The following FANCA variants were observed in gnomAD, a reference collection of about 807,000 sequenced individuals.
The protein encoded by FANCA is FA complementation group A, also known as Fanconi anemia group A protein.
A neutral mutation model predicts 194.3 loss-of-function variants in FANCA; 236 were observed. The ratio of observed to expected loss-of-function variants is 1.21; its 90% CI spans 1.09 to 1.35. FANCA has a LOEUF of 1.35. FANCA is among the 40% of genes most tolerant of loss of function. The pLI, the probability that FANCA is intolerant of heterozygous loss-of-function variation, is 0.00. For missense variants in FANCA, 2,628 were observed against 1,813.9 expected, an observed-to-expected ratio of 1.45 and a Z score of -8.15; for synonymous variants, 1,014 against 715.8, an observed-to-expected ratio of 1.42 and a Z score of -6.65.
chr16:89,799,412 T>C (rs945934956), intron 9 of FANCA, among the ~76,000 whole-genome samples, 180 bp from the exon 10 acceptor site: 5 of 152,212 alleles, frequency 3.3e-5, no homozygotes, highest in African/African-American at 1.2e-4. Context: ...AATGCTTCCC[T>C]GTGACCCACA....
Position 89,738,954 on chromosome 16 carries a change from T to A in FANCA, c.4188A>T (p.Ile1396=). 1.2e-6 allele frequency: 2 copies of A among 1,614,242 alleles called. No homozygotes were observed. Among genetic ancestry groups the A allele is most frequent in the South Asian group, 2.2e-5 (2 of 91,084 alleles). ...LKGQGNPVEL[I]TKARLFLLQL... is the part of the protein sequence containing the mutation. ...GCAGCAGAAAAAGACGAGCTTTTGT[T>A]ATCAGTTCCACGGGGTTGCCCTAGA... Residue 1396 remains isoleucine, a synonymous_variant, in exon 42 of 43, where the codon ATA becomes ATT. Coordinates refer to ENST00000389301, the MANE Select transcript of FANCA (RefSeq NM_000135.4).
At chr16:89,813,826 G>A (rs1397906742) in intron 3 of FANCA, among the ~76,000 whole-genome samples, 2 of 152,006 alleles carry the variant, frequency 1.3e-5, no homozygotes, top group Non-Finnish European at 2.9e-5. Flanking sequence ...GTGTGTGTGT[G>A]TGTGTGTCCG....
intron 33 of FANCA, 37 bp from the exon 34 acceptor site, chr16:89,746,927 AG>A: frequency 6.5e-7 from 1 of 1,536,504 alleles, no homozygotes; most frequent in Non-Finnish European, 8.8e-7. Context: ...AAAAGCCCAC[AG>A]GAAGAGAGGC....
chr16:89,753,524 G>GT (rs1237347800), intron 30 of FANCA, among the ~76,000 whole-genome samples: 2 of 151,966 alleles, frequency 1.3e-5, no homozygotes, highest in Non-Finnish European at 2.9e-5. Flanking sequence ...AGCAAAAACC[G>GT]TAAGATTATC....
In FANCA at chr16:89,783,005, G is replaced by C; in HGVS notation, c.1566+2C>G. On this transcript the variant is annotated splice_donor_variant, in intron 16 of 42. Coordinates refer to ENST00000389301, the MANE Select transcript of FANCA (RefSeq NM_000135.4). LOFTEE classifies it high-confidence loss of function. ...AGGAGTGGGCATGGAGGGACAGCTT[G>C]CCTTGAGGTCGGCCAGCCGTGTCTT... is the stretch of plus-strand genomic sequence containing the variant. 1 of 1,613,912 alleles carries C rather than the reference G, an allele frequency of 6.2e-7. No homozygotes were observed. Among genetic ancestry groups the C allele is most frequent in the Non-Finnish European group, 8.5e-7 (1 of 1,179,758 alleles).
intron 26 of FANCA, among the ~76,000 whole-genome samples, chr16:89,768,854 G>GCCT (rs1242761008): frequency 6.6e-6 from 1 of 152,128 alleles, no homozygotes; most frequent in Non-Finnish European, 1.5e-5. Context: ...CCACCTGGAT[G>GCCT]CCTCCCTCCT....
At chr16:89,804,150 A>G (rs1026950682) in intron 7 of FANCA, among the ~76,000 whole-genome samples, 2 of 152,178 alleles carry the variant, frequency 1.3e-5, no homozygotes, top group African/African-American at 4.8e-5. Context: ...ACCAGGTTAT[A>G]GTAGCTCAGG....
intron 36 of FANCA, 50 bp from the exon 37 acceptor site, chr16:89,742,988 A>T: frequency 6.3e-7 from 1 of 1,590,310 alleles, no homozygotes; most frequent in Non-Finnish European, 8.6e-7. Context: ...CCATACAACC[A>T]CGCCATAGAA....
intron 5 of FANCA, among the ~76,000 whole-genome samples, chr16:89,809,853 CAA>C (rs1288486504): frequency 1.6e-5 from 2 of 128,466 alleles, no homozygotes. Flanking sequence ...AACTCCATCT[CAA>C]AAAAAAAAAA....
chr16:89,774,515 G>C (rs548028605), intron 21 of FANCA, among the ~76,000 whole-genome samples: 30 of 151,838 alleles, frequency 2.0e-4, no homozygotes, highest in Non-Finnish European at 3.4e-4. Flanking sequence ...TGGATCACGA[G>C]GTCAGGAGAT....
At chr16:89,793,268 G>A (rs781184878) in intron 11 of FANCA, among the ~76,000 whole-genome samples, 4 of 152,108 alleles carry the variant, frequency 2.6e-5, no homozygotes, top group Non-Finnish European at 2.9e-5. Context: ...CTTCCCAGAC[G>A]CTGCCGTCAC....
chr16:89,778,544 C>A, intron 20 of FANCA: 1 of 448,324 alleles, frequency 2.2e-6, no homozygotes, highest in African/African-American at 2.1e-5. Flanking sequence ...AAGAGAATCG[C>A]TTGAACCTAA....
At chr16:89,743,107 TGA>T (rs762494917) in intron 36 of FANCA, among the ~76,000 whole-genome samples, 169 bp from the exon 37 acceptor site, 2 of 152,178 alleles carry the variant, frequency 1.3e-5, no homozygotes, top group South Asian at 2.1e-4. Context: ...CAGGTCCACG[TGA>T]GAGTGTGGGC....
rs1189120192 is a variant in FANCA, at chr16:89,770,090, G to A, written c.2317-66C>T. On this transcript the variant is annotated intron_variant, in intron 25 of 42. Transcript: ENST00000389301. Reference sequence around the variant, plus strand: ...CCAAGCTGGAATTTTCCAGGGCACTGAAGACGAATTGAGAAGTAGCAGCCT... The same window carrying A: ...CCAAGCTGGAATTTTCCAGGGCACTAAAGACGAATTGAGAAGTAGCAGCCT... 22 of 1,585,256 alleles carry A rather than the reference G, an allele frequency of 1.4e-5. No individual in the cohort carries two copies. In the African/African-American group the frequency reaches 1.9e-4, roughly 14 times the overall value.
At chr16:89,777,883 C>T (rs1016274642) in intron 20 of FANCA, among the ~76,000 whole-genome samples, 4 of 149,270 alleles carry the variant, frequency 2.7e-5, no homozygotes, top group Non-Finnish European at 6.0e-5. Context: ...ATGATGCAGC[C>T]GGGTGCGGTA....
rs2041136278 is a variant in FANCA at position 89,816,521 on chromosome 16, T to C, written c.79+16A>G. The C allele has an allele frequency of 1.3e-6, 2 of 1,483,784 alleles. No individual in the cohort carries two copies. Among genetic ancestry groups the C allele is most frequent in the Admixed American group, 2.3e-5 (1 of 44,440 alleles). 91.9% of individuals were successfully genotyped at this position (1,483,784 alleles called of 1,614,324 possible). On this transcript the variant is annotated intron_variant, in intron 1 of 42. Transcript: ENST00000389301. ...CCGGACGCCGCCCACTCCCGCGGCCTGCCGCGCCCACCTACCCAGCAGCTC... is the reference window on the plus strand; with the variant it reads ...CCGGACGCCGCCCACTCCCGCGGCCCGCCGCGCCCACCTACCCAGCAGCTC...
At chr16:89,782,433 C>T (rs1042055699) in intron 17 of FANCA, among the ~76,000 whole-genome samples, 1 of 151,882 alleles carries the variant, frequency 6.6e-6, no homozygotes, top group Non-Finnish European at 1.5e-5. Flanking sequence ...ATGGCGTGAA[C>T]CCAGGAGGCA....
intron 14 of FANCA, among the ~76,000 whole-genome samples, chr16:89,790,763 G>C (rs2040043068): frequency 6.6e-6 from 1 of 151,244 alleles, no homozygotes; most frequent in African/African-American, 2.4e-5. Flanking sequence ...GGGAAAATAA[G>C]AGACATTGTA....
chr16:89,738,541 G>A lies in FANCA; in HGVS notation c.*60C>T, dbSNP rs1598048095. ...CTTTTTAGTGCAACAAGAGCTCCAT[G>A]TTATGCTTGTAATAAATTATTTACA... On this transcript the variant is annotated 3_prime_UTR_variant, in exon 43 of 43. Coordinates refer to ENST00000389301, the MANE Select transcript of FANCA (RefSeq NM_000135.4). The A allele has an allele frequency of 4.3e-6, 7 of 1,609,688 alleles. No homozygotes were observed. Among genetic ancestry groups the A allele is most frequent in the South Asian group, 2.2e-5 (2 of 90,964 alleles).
Sources: gnomAD v4.1 joint callset for allele counts (sites outside exome capture counted in the v4.1 genomes callset) on GRCh38, gnomAD v4.1.1 for gene constraint, MANE v1.5 for transcripts, NCBI Gene and HGNC (gene_info 2026-07-23, HGNC 2026-07-21) for gene names.